B3GLCT: variants seen among roughly 807,000 people sequenced by gnomAD.
The protein encoded by B3GLCT is beta 3-glucosyltransferase.
In B3GLCT, 65 loss-of-function variants were observed where a neutral mutation model predicts 63.4. That is an observed-to-expected ratio of 1.03 (90% confidence interval 0.84 to 1.26). The LOEUF is 1.26. B3GLCT is among the 50% of genes most tolerant of loss of function. The probability of loss-of-function intolerance (pLI) is 0.00; values close to 1 mark genes in which losing one functional copy is unlikely to be tolerated. For missense variants in B3GLCT, 577 were observed against 604.8 expected (o/e 0.95, Z 0.48); for synonymous variants, 233 against 219.2 (o/e 1.06, Z -0.55).
intron 1 of B3GLCT, 69 bp from the exon 2 acceptor site, chr13:31,214,982 G>A: frequency 7.1e-7 from 1 of 1,414,210 alleles, no homozygotes; most frequent in South Asian, 1.2e-5. Context: ...AAGCAAAACT[G>A]TTGGATGTGA....
At chr13:31,237,078 A>T (rs1273452388) in intron 4 of B3GLCT, among the ~76,000 whole-genome samples, 1 of 151,354 alleles carries the variant, frequency 6.6e-6, no homozygotes, top group African/African-American at 2.4e-5. Context: ...GTGACCCGAG[A>T]TCGCACCACT....
intron 12 of B3GLCT, among the ~76,000 whole-genome samples, chr13:31,296,666 A>T (rs1262212803): frequency 6.6e-6 from 1 of 152,052 alleles, no homozygotes; most frequent in African/African-American, 2.4e-5. Context: ...CTATTTTTCA[A>T]TAGAGATGAT....
intron 1 of B3GLCT, among the ~76,000 whole-genome samples, chr13:31,213,791 A>T (rs1238910827): frequency 6.6e-6 from 1 of 151,864 alleles, no homozygotes; most frequent in African/African-American, 2.4e-5. Context: ...GGAATTGGGG[A>T]TTTATTATTT....
At chr13:31,245,729 T>C (rs1189390682) in intron 4 of B3GLCT, among the ~76,000 whole-genome samples, 1 of 152,186 alleles carries the variant, frequency 6.6e-6, no homozygotes, top group African/African-American at 2.4e-5. Context: ...ACATCATTAG[T>C]TTCTTTACAC....
chr13:31,282,696 G>A lies in B3GLCT; in HGVS notation c.851-1952G>A, dbSNP rs1479551037. 3.3e-5 allele frequency among the ~76,000 whole-genome samples: 5 copies of A among 151,610 alleles called. 1 individual carries two copies. Among genetic ancestry groups the A allele is most frequent in the Non-Finnish European group, 7.4e-5 (5 of 67,920 alleles). ...AGATGCATGGAGGTTATATTGACAA[G>A]GGGAGAGATGTACAAACTGTTGAAT... On this transcript the variant is annotated intron_variant, in intron 10 of 14. Coordinates refer to ENST00000343307, the MANE Select transcript of B3GLCT (RefSeq NM_194318.4).
At chr13:31,317,415 T>G (rs1001041735) in intron 12 of B3GLCT, 151 bp from the exon 13 acceptor site, 34 of 867,088 alleles carry the variant, frequency 3.9e-5, no homozygotes, top group Non-Finnish European at 6.0e-5. Flanking sequence ...TTTAAAAATT[T>G]TATTTATTTT....
intron 13 of B3GLCT, 99 bp downstream of exon 13, chr13:31,317,784 G>A: frequency 1.4e-6 from 2 of 1,446,896 alleles, no homozygotes; most frequent in South Asian, 1.2e-5. Flanking sequence ...CTGTACGTGA[G>A]TACTCTGTGA....
chr13:31,242,855 A>ATCTTT (rs1871022562), intron 4 of B3GLCT, among the ~76,000 whole-genome samples: 1 of 152,178 alleles, frequency 6.6e-6, no homozygotes, highest in Non-Finnish European at 1.5e-5. Context: ...ATCTAGAAAA[A>ATCTTT]TCTTTTCTTT....
At chr13:31,209,862 T>C (rs184238423) in intron 1 of B3GLCT, among the ~76,000 whole-genome samples, 9 of 152,324 alleles carry the variant, frequency 5.9e-5, no homozygotes, top group Non-Finnish European at 1.2e-4. Flanking sequence ...GTTTCTATGA[T>C]AGATGTTCCT....
intron 12 of B3GLCT, among the ~76,000 whole-genome samples, chr13:31,294,146 C>T (rs1333997191): frequency 6.6e-6 from 1 of 152,220 alleles, no homozygotes; most frequent in African/African-American, 2.4e-5. Context: ...CCATTCTCTT[C>T]TTGTGGCTTA....
intron 12 of B3GLCT, among the ~76,000 whole-genome samples, chr13:31,310,490 G>C (rs563535679): frequency 1.3e-5 from 2 of 152,268 alleles, no homozygotes; most frequent in South Asian, 4.2e-4. Flanking sequence ...AACCCTTCTA[G>C]GGGCCTAGAC....
chr13:31,203,789 G>A (rs969649995), intron 1 of B3GLCT, among the ~76,000 whole-genome samples: 2 of 152,148 alleles, frequency 1.3e-5, no homozygotes, highest in Non-Finnish European at 2.9e-5. Context: ...AGTTTCAAGG[G>A]TTCATCAGAC....
intron 6 of B3GLCT, among the ~76,000 whole-genome samples, chr13:31,250,642 C>A (rs1298095530): frequency 6.6e-6 from 1 of 152,256 alleles, no homozygotes. Flanking sequence ...AAGGCCTCTG[C>A]CGCCAGACTG....
chr13:31,229,361 C>T (rs1870259288), intron 4 of B3GLCT, 67 bp downstream of exon 4: 2 of 951,992 alleles, frequency 2.1e-6, no homozygotes, highest in Non-Finnish European at 3.5e-6. Flanking sequence ...TTTTCCAAAA[C>T]ACTGGATCCG....
intron 4 of B3GLCT, among the ~76,000 whole-genome samples, chr13:31,246,334 T>G (rs1258876634): frequency 3.3e-5 from 5 of 152,218 alleles, no homozygotes; most frequent in Non-Finnish European, 7.3e-5. Context: ...TTAAAAATAT[T>G]AATCTCTCTT....
At chr13:31,241,535 G>A (rs573357686) in intron 4 of B3GLCT, among the ~76,000 whole-genome samples, 3 of 152,342 alleles carry the variant, frequency 2.0e-5, no homozygotes, top group East Asian at 1.9e-4. Flanking sequence ...TGCGGAAATG[G>A]CACCTGCCCT....
chr13:31,326,723 A>G (rs1248567434), intron 14 of B3GLCT, among the ~76,000 whole-genome samples: 1 of 152,162 alleles, frequency 6.6e-6, no homozygotes, highest in East Asian at 1.9e-4. Context: ...GCACAGAGAT[A>G]TGATTATTAG....
At chr13:31,324,195 T>C (rs925406360) in intron 14 of B3GLCT, among the ~76,000 whole-genome samples, 2 of 152,186 alleles carry the variant, frequency 1.3e-5, no homozygotes, top group African/African-American at 4.8e-5. Context: ...TTAAAAGGAT[T>C]GGTAGCATTT....
At chr13:31,284,604 T>G in intron 10 of B3GLCT, 44 bp from the exon 11 acceptor site, 1 of 1,070,742 alleles carries the variant, frequency 9.3e-7, no homozygotes, top group Non-Finnish European at 1.5e-6. Flanking sequence ...TTAAGCTTCC[T>G]TGTGTAACTG....
Sources: gnomAD v4.1 joint callset for allele counts (sites outside exome capture counted in the v4.1 genomes callset) on GRCh38, gnomAD v4.1.1 for gene constraint, MANE v1.5 for transcripts, NCBI Gene and HGNC (gene_info 2026-07-23, HGNC 2026-07-21) for gene names.